GFOD1: variants seen among roughly 807,000 people sequenced by gnomAD.
GFOD1 encodes the protein glucose-fructose oxidoreductase domain-containing protein 1.
In GFOD1, 9 loss-of-function variants were observed where a neutral mutation model predicts 25.4. The observed-to-expected ratio is 0.35, with a 90% CI of 0.21 to 0.62. The LOEUF (loss-of-function observed/expected upper bound fraction) is 0.62. Among genes scored for constraint, GFOD1 ranks in the 20% least tolerant of loss-of-function variants. The pLI is 0.72. For synonymous variants in GFOD1, 253 were observed against 245.6 expected (o/e 1.03, Z -0.28); for missense variants, 403 against 556.9 (o/e 0.72, Z 2.78).
At chr6:13,403,109 G>GA (rs1785879767) in intron 1 of GFOD1, among the ~76,000 whole-genome samples, 1 of 131,876 alleles carries the variant, frequency 7.6e-6, no homozygotes, top group Admixed American at 7.6e-5. Flanking sequence ...TGTGTGTGTG[G>GA]TTTTTTTTTT....
intron 1 of GFOD1, among the ~76,000 whole-genome samples, chr6:13,378,194 T>C (rs1445417352): frequency 6.6e-6 from 1 of 152,162 alleles, no homozygotes; most frequent in Non-Finnish European, 1.5e-5. Flanking sequence ...GTCAGAGATA[T>C]GTGCAGATCC....
intron 1 of GFOD1, among the ~76,000 whole-genome samples, chr6:13,452,624 A>G (rs767950111): frequency 3.3e-5 from 5 of 152,166 alleles, no homozygotes; most frequent in Non-Finnish European, 7.4e-5. Context: ...AGAGCACCCC[A>G]TATCCTAATC....
chr6:13,409,164 A>AAGAG (rs1377465751), intron 1 of GFOD1, among the ~76,000 whole-genome samples: 829 of 44,014 alleles, frequency 0.019, 255 homozygotes, highest in Middle Eastern at 0.044. Flanking sequence ...GAAAGAAAGA[A>AAGAG]AGGAAAGAGA....
chr6:13,373,370 G>A (rs1176674431), intron 1 of GFOD1, among the ~76,000 whole-genome samples: 2 of 152,138 alleles, frequency 1.3e-5, no homozygotes, highest in Non-Finnish European at 2.9e-5. Flanking sequence ...AAGATTAATG[G>A]TGTTTAATGT....
At chr6:13,481,989 A>T (rs1758762308) in intron 1 of GFOD1, among the ~76,000 whole-genome samples, 1 of 152,050 alleles carries the variant, frequency 6.6e-6, no homozygotes, top group South Asian at 2.1e-4. Flanking sequence ...ATAAATTTTG[A>T]TGTATCCATA....
At chr6:13,463,087 T>G (rs1021328338) in intron 1 of GFOD1, among the ~76,000 whole-genome samples, 3 of 152,134 alleles carry the variant, frequency 2.0e-5, no homozygotes, top group Non-Finnish European at 4.4e-5. Context: ...CCCAGCTTCT[T>G]AAAGAGCATT....
At chr6:13,426,328 G>C (rs928058707) in intron 1 of GFOD1, among the ~76,000 whole-genome samples, 5 of 152,216 alleles carry the variant, frequency 3.3e-5, no homozygotes, top group African/African-American at 1.2e-4. Context: ...GGAAGCCACA[G>C]AAACAGGCGT....
intron 1 of GFOD1, among the ~76,000 whole-genome samples, chr6:13,447,565 C>G (rs1456619203): frequency 6.6e-6 from 1 of 151,250 alleles, no homozygotes; most frequent in Admixed American, 6.6e-5. Flanking sequence ...TGGTGAAACC[C>G]CATCTCTACT....
intron 1 of GFOD1, among the ~76,000 whole-genome samples, chr6:13,370,260 T>C (rs150278166): frequency 6.6e-6 from 1 of 152,338 alleles, no homozygotes; most frequent in East Asian, 1.9e-4. Context: ...TGATTCTTAC[T>C]GAAAGCTGTG....
chr6:13,428,177 T>C (rs1757677091), intron 1 of GFOD1, among the ~76,000 whole-genome samples: 1 of 152,228 alleles, frequency 6.6e-6, no homozygotes. Context: ...GAACTCCTTT[T>C]CTTCTCAGTG....
intron 1 of GFOD1, among the ~76,000 whole-genome samples, chr6:13,409,909 C>T (rs1202818775): frequency 4.8e-5 from 6 of 125,102 alleles, no homozygotes; most frequent in African/African-American, 2.0e-4. Flanking sequence ...GGCGACAGAG[C>T]GGGGCTCCAT....
intron 1 of GFOD1, among the ~76,000 whole-genome samples, chr6:13,411,857 A>C (rs1786083782): frequency 6.6e-6 from 1 of 152,206 alleles, no homozygotes; most frequent in Non-Finnish European, 1.5e-5. Context: ...TACTTCAGAG[A>C]CCAGAGCAGG....
intron 1 of GFOD1, 119 bp downstream of exon 1, chr6:13,486,519 G>A (rs1584681032): frequency 2.4e-6 from 2 of 823,210 alleles, no homozygotes; most frequent in East Asian, 2.6e-5. Flanking sequence ...AGATCCCCGG[G>A]GCAGCGTAGA....
chr6:13,367,992 C>G (rs1785079638), intron 1 of GFOD1, among the ~76,000 whole-genome samples: 1 of 152,140 alleles, frequency 6.6e-6, no homozygotes, highest in African/African-American at 2.4e-5. Flanking sequence ...CTTGTCCTGA[C>G]TACAGACACT....
chr6:13,466,470 G>A (rs184247190), intron 1 of GFOD1, among the ~76,000 whole-genome samples: 62 of 152,162 alleles, frequency 4.1e-4, no homozygotes, highest in Middle Eastern at 3.4e-3. Flanking sequence ...ACTACATGCC[G>A]AGGGAGCCTG....
chr6:13,452,854 A>G (rs552130325), intron 1 of GFOD1, among the ~76,000 whole-genome samples: 1 of 152,350 alleles, frequency 6.6e-6, no homozygotes, highest in Non-Finnish European at 1.5e-5. Flanking sequence ...ACTGGAGCAC[A>G]CCGTCTGACT....
intron 1 of GFOD1, among the ~76,000 whole-genome samples, chr6:13,424,611 A>G (rs1786318994): frequency 1.3e-5 from 2 of 152,254 alleles, no homozygotes; most frequent in African/African-American, 4.8e-5. Context: ...TTGGAAAAAC[A>G]GTATAATCAT....
chr6:13,411,777 A>T (rs1692730825), intron 1 of GFOD1, among the ~76,000 whole-genome samples: 1 of 152,168 alleles, frequency 6.6e-6, no homozygotes, highest in Non-Finnish European at 1.5e-5. Context: ...CTCTTCAAGG[A>T]ATTAGGATGA....
intron 1 of GFOD1, among the ~76,000 whole-genome samples, chr6:13,391,511 C>CAAAAAAAAAAAAAA (rs57340590): frequency 9.9e-4 from 108 of 108,608 alleles, no homozygotes; most frequent in Middle Eastern, 5.2e-3. Flanking sequence ...AACAAACAAA[C>CAAAAAAAAAAAAAA]AAAAAAAAAA....
Sources: allele counts gnomAD v4.1 joint callset (sites outside exome capture counted in the v4.1 genomes callset), GRCh38; gene constraint gnomAD v4.1.1; transcripts MANE v1.5; gene names NCBI Gene and HGNC (gene_info 2026-07-23, HGNC 2026-07-21).